Variants in C12orf42 observed in about 807,000 individuals in gnomAD.
C12orf42 encodes chromosome 12 open reading frame 42, also known as uncharacterized protein C12orf42.
Under a neutral mutation model 21.6 loss-of-function variants are expected in C12orf42, and 25 were observed. That is an observed-to-expected ratio of 1.16 (90% confidence interval 0.84 to 1.62). C12orf42 has a LOEUF of 1.62. C12orf42 is among the 40% of genes most tolerant of loss of function. The probability of loss-of-function intolerance (pLI) is 0.00; values close to 1 mark genes in which losing one functional copy is unlikely to be tolerated. For synonymous variants in C12orf42, 174 were observed against 175.0 expected, an observed-to-expected ratio of 0.99 and a Z score of 0.05; for missense variants, 483 against 459.3, an observed-to-expected ratio of 1.05 and a Z score of -0.47.
At chr12:103,517,753 C>A in the C12orf42 span, among the ~76,000 whole-genome samples, 1 of 152,070 alleles carries the variant, frequency 6.6e-6, no homozygotes, top group African/African-American at 2.4e-5. Context: ...CTGTTATCAA[C>A]CTCCCATCTC....
At chr12:103,535,216 A>C in the C12orf42 span, among the ~76,000 whole-genome samples, 1 of 152,176 alleles carries the variant, frequency 6.6e-6, no homozygotes, top group Non-Finnish European at 1.5e-5. Flanking sequence ...TCACATAATA[A>C]AGGGGAAGAA....
the C12orf42 span, among the ~76,000 whole-genome samples, chr12:103,507,500 T>A: frequency 7.1e-6 from 1 of 139,874 alleles, no homozygotes; most frequent in Admixed American, 7.4e-5. Context: ...TGATACCCCA[T>A]CTTCAAAAAA....
chr12:103,359,477 G>A lies in C12orf42; in HGVS notation c.259+9410C>T, dbSNP rs1315317716. Among the ~76,000 whole-genome samples the A allele has an allele frequency of 3.3e-5, 5 of 151,774 alleles. No homozygotes were observed. The East Asian group carries it at 7.7e-4, about 23-fold the overall frequency. The stretch of plus-strand genomic sequence containing the variant: ...AATTCATACAATGGAAGACCACTTA[G>A]CCATAAAAAGGACTATGAATATATA... On this transcript the variant is annotated intron_variant, in intron 4 of 5. Transcript: ENST00000548883.
chr12:103,463,677 G>A (rs989609974), intron 2 of C12orf42, among the ~76,000 whole-genome samples: 8 of 152,036 alleles, frequency 5.3e-5, no homozygotes, highest in African/African-American at 1.7e-4. Flanking sequence ...GTAGTTTGCC[G>A]CACCTATTAG....
chr12:103,342,391 C>T (rs1357044833), intron 4 of C12orf42, among the ~76,000 whole-genome samples: 2 of 152,006 alleles, frequency 1.3e-5, no homozygotes, highest in Non-Finnish European at 2.9e-5. Flanking sequence ...TTAAAAGGTA[C>T]TCAAATAGAG....
At chr12:103,554,765 T>C in the C12orf42 span, among the ~76,000 whole-genome samples, 1 of 152,144 alleles carries the variant, frequency 6.6e-6, no homozygotes, top group Non-Finnish European at 1.5e-5. Context: ...CCAGATCTCC[T>C]GAGAACTCTA....
chr12:103,530,073 A>G, the C12orf42 span, among the ~76,000 whole-genome samples: 1 of 152,242 alleles, frequency 6.6e-6, no homozygotes, highest in Admixed American at 6.5e-5. Flanking sequence ...TGAAAGTACA[A>G]AGAAGTCTTC....
chr12:103,129,834 C>T, the C12orf42 span, among the ~76,000 whole-genome samples: 1 of 152,190 alleles, frequency 6.6e-6, no homozygotes, highest in Admixed American at 6.5e-5. Context: ...CCAAAAGATT[C>T]CATGCCCATA....
At chr12:103,440,457 CAAA>C in intron 2 of C12orf42, among the ~76,000 whole-genome samples, 1 of 69,666 alleles carries the variant, frequency 1.4e-5, no homozygotes. Context: ...TCACAGATAC[CAAA>C]AAAAAAAAAA....
chr12:103,354,255 C>T (rs1456226272), intron 4 of C12orf42, among the ~76,000 whole-genome samples: 1 of 152,080 alleles, frequency 6.6e-6, no homozygotes, highest in Non-Finnish European at 1.5e-5. Flanking sequence ...TCCCAAAGCA[C>T]ATTTAGAAAC....
At chr12:103,223,354 T>C in the C12orf42 span, among the ~76,000 whole-genome samples, 1 of 152,200 alleles carries the variant, frequency 6.6e-6, no homozygotes, top group East Asian at 1.9e-4. Flanking sequence ...ATTTGTCGTA[T>C]AGAATGATTG....
chr12:103,138,385 T>C, the C12orf42 span, among the ~76,000 whole-genome samples: 1 of 152,156 alleles, frequency 6.6e-6, no homozygotes, highest in East Asian at 1.9e-4. Context: ...TGCTTGAAAG[T>C]GTGTAGCTCT....
chr12:103,058,410 C>T, the C12orf42 span, among the ~76,000 whole-genome samples: 1 of 152,108 alleles, frequency 6.6e-6, no homozygotes, highest in African/African-American at 2.4e-5. Flanking sequence ...AAAATTTTCT[C>T]CCATTCTGTA....
chr12:103,241,450 G>C (rs536444021), intron 10 of C12orf42, among the ~76,000 whole-genome samples: 365 of 152,168 alleles, frequency 2.4e-3, no homozygotes, highest in African/African-American at 8.3e-3. Context: ...ACTCTCCATG[G>C]GCAATTTGAA....
chr12:103,162,255 T>G, the C12orf42 span, among the ~76,000 whole-genome samples: 1 of 152,142 alleles, frequency 6.6e-6, no homozygotes, highest in Non-Finnish European at 1.5e-5. Flanking sequence ...AGTGACAGTA[T>G]GGAGCAAGCC....
the C12orf42 span, among the ~76,000 whole-genome samples, chr12:103,175,636 C>T: frequency 6.6e-6 from 1 of 152,168 alleles, no homozygotes; most frequent in Admixed American, 6.5e-5. Flanking sequence ...TATTACACTC[C>T]ACTTTCAACC....
At chr12:103,258,265 G>T (rs2136216692) in intron 10 of C12orf42, among the ~76,000 whole-genome samples, 1 of 152,182 alleles carries the variant, frequency 6.6e-6, no homozygotes, top group East Asian at 1.9e-4. Flanking sequence ...CTTAAGAAGA[G>T]AGTAGAGCAG....
chr12:103,450,036 T>C (rs1213810873), intron 2 of C12orf42, among the ~76,000 whole-genome samples: 2 of 152,058 alleles, frequency 1.3e-5, no homozygotes, highest in East Asian at 1.9e-4. Context: ...TTGAATTTTC[T>C]GTTTCTTGCT....
intron 4 of C12orf42, among the ~76,000 whole-genome samples, chr12:103,337,054 A>T (rs2041761388): frequency 6.6e-6 from 1 of 152,152 alleles, no homozygotes; most frequent in Admixed American, 6.5e-5. Flanking sequence ...CTAACCAAAA[A>T]ATGTCATTCT....
Sources: gnomAD v4.1 joint callset for allele counts (sites outside exome capture counted in the v4.1 genomes callset) on GRCh38, gnomAD v4.1.1 for gene constraint, MANE v1.5 for transcripts, NCBI Gene and HGNC (gene_info 2026-07-23, HGNC 2026-07-21) for gene names.